GALNT13: variants seen among roughly 807,000 people sequenced by gnomAD.
The protein encoded by GALNT13 is UDP-GalNAc:polypeptide N-acetylgalactosaminyltransferase 13.
A neutral mutation model predicts 64.2 loss-of-function variants in GALNT13; 28 were observed. That is an observed-to-expected ratio of 0.44 (90% CI 0.32 to 0.60). The LOEUF (loss-of-function observed/expected upper bound fraction) is 0.60, where lower values mean the gene tolerates loss of function less well. Among genes scored for constraint, GALNT13 ranks in the 20% least tolerant of loss-of-function variants. GALNT13 has a pLI of 0.05. For synonymous variants in GALNT13, 214 were observed against 224.6 expected (o/e 0.95, Z 0.42); for missense variants, 577 against 669.8 (o/e 0.86, Z 1.53).
At chr2:153,893,048 G>T (rs556040725) in intron 1 of GALNT13, among the ~76,000 whole-genome samples, 16 of 152,078 alleles carry the variant, frequency 1.1e-4, no homozygotes, top group African/African-American at 3.9e-4. Context: ...CAGAGATCTT[G>T]GATTCTTGCA....
chr2:154,167,588 T>C (rs1685104444), intron 4 of GALNT13, among the ~76,000 whole-genome samples: 1 of 152,178 alleles, frequency 6.6e-6, no homozygotes, highest in Non-Finnish European at 1.5e-5. Context: ...CATTCTCCTT[T>C]TTTCCTACCA....
At chr2:153,912,462 T>A (rs1689016860) in intron 2 of GALNT13, among the ~76,000 whole-genome samples, 1 of 152,222 alleles carries the variant, frequency 6.6e-6, no homozygotes, top group Non-Finnish European at 1.5e-5. Flanking sequence ...GGTGGTCATT[T>A]GGAGAAAAGA....
At position 154,404,611 on chromosome 2, in the gene GALNT13, G is replaced by A. The variant is rs573295305; in HGVS notation, c.1297-4373G>A. ...ATTGGATAATAGTAGCTGAAAATGG[G>A]AGAAGTACTTTGCAGGTGAGAAAAA... On this transcript the variant is annotated intron_variant, in intron 10 of 12. Coordinates refer to ENST00000392825, the MANE Select transcript of GALNT13 (RefSeq NM_052917.4). Among the ~76,000 whole-genome samples the A allele has an allele frequency of 4.6e-5, 7 of 152,198 alleles. No homozygotes were observed. In the East Asian group the frequency reaches 1.4e-3, roughly 29 times the overall value.
At chr2:153,767,245 C>T in the GALNT13 span, among the ~76,000 whole-genome samples, 9 of 151,962 alleles carry the variant, frequency 5.9e-5, no homozygotes, top group Admixed American at 5.9e-4. Context: ...AGAATAATGG[C>T]CTCTAGCTCT....
chr2:153,217,034 C>T, the GALNT13 span, among the ~76,000 whole-genome samples: 1 of 151,868 alleles, frequency 6.6e-6, no homozygotes, highest in East Asian at 1.9e-4. Flanking sequence ...TATGAATAGC[C>T]AATTGTTTCA....
At chr2:153,596,608 A>T in the GALNT13 span, among the ~76,000 whole-genome samples, 1 of 152,114 alleles carries the variant, frequency 6.6e-6, no homozygotes, top group South Asian at 2.1e-4. Flanking sequence ...TTAATCTTTA[A>T]CCTCAATTTA....
chr2:154,343,623 G>GT (rs1286682315), intron 9 of GALNT13, among the ~76,000 whole-genome samples: 4 of 152,076 alleles, frequency 2.6e-5, no homozygotes, highest in East Asian at 1.9e-4. Flanking sequence ...TTGTTGCACA[G>GT]TTTTTTTGAC....
At chr2:153,819,864 A>G in the GALNT13 span, among the ~76,000 whole-genome samples, 13 of 152,196 alleles carry the variant, frequency 8.5e-5, no homozygotes, top group Non-Finnish European at 1.6e-4. Flanking sequence ...TGAATGTTGC[A>G]ACACCACCAA....
chr2:154,441,013 A>G (rs1385401003), intron 12 of GALNT13, among the ~76,000 whole-genome samples: 2 of 152,144 alleles, frequency 1.3e-5, no homozygotes, highest in Non-Finnish European at 2.9e-5. Flanking sequence ...CAGGAGTAGT[A>G]GCATCACCTG....
intron 3 of GALNT13, among the ~76,000 whole-genome samples, chr2:154,051,343 TGCAGTGGC>T (rs1558931310): frequency 7.1e-6 from 1 of 141,038 alleles, no homozygotes; most frequent in African/African-American, 2.6e-5. Flanking sequence ...GACTGCGGAC[TGCAGTGGC>T]GCAATCTCGG....
chr2:154,046,041 C>T (rs1699265713), intron 3 of GALNT13, among the ~76,000 whole-genome samples: 1 of 151,718 alleles, frequency 6.6e-6, no homozygotes. Context: ...GATGTCGTGG[C>T]TCATGCCTGT....
chr2:154,352,569 C>T (rs998943171), intron 9 of GALNT13, among the ~76,000 whole-genome samples: 1 of 152,142 alleles, frequency 6.6e-6, no homozygotes, highest in Non-Finnish European at 1.5e-5. Flanking sequence ...GGTGAAATAA[C>T]TTCTCAAAGT....
At chr2:153,624,797 T>A in the GALNT13 span, among the ~76,000 whole-genome samples, 1 of 150,186 alleles carries the variant, frequency 6.7e-6, no homozygotes, top group African/African-American at 2.5e-5. Flanking sequence ...AGAGACTTTT[T>A]TTTTTTTTTT....
chr2:153,149,299 G>A, the GALNT13 span, among the ~76,000 whole-genome samples: 7 of 151,846 alleles, frequency 4.6e-5, no homozygotes, highest in Non-Finnish European at 1.0e-4. Context: ...AGAAATCAGC[G>A]CCTCATCTAT....
chr2:154,125,593 A>C (rs1231071888), intron 3 of GALNT13, among the ~76,000 whole-genome samples: 2 of 152,232 alleles, frequency 1.3e-5, no homozygotes, highest in Non-Finnish European at 2.9e-5. Flanking sequence ...CAAAAACGCA[A>C]AAAAGTGGAG....
intron 4 of GALNT13, among the ~76,000 whole-genome samples, chr2:154,219,487 A>G (rs750215254): frequency 3.9e-5 from 6 of 152,052 alleles, no homozygotes; most frequent in East Asian, 1.9e-4. Context: ...CTTTCTACCC[A>G]TATTATTTTC....
chr2:153,505,648 T>A, the GALNT13 span, among the ~76,000 whole-genome samples: 1 of 152,234 alleles, frequency 6.6e-6, no homozygotes, highest in Middle Eastern at 3.4e-3. Context: ...AATTTCTATA[T>A]ATATATATGC....
the GALNT13 span, among the ~76,000 whole-genome samples, chr2:153,600,628 G>A: frequency 6.6e-6 from 1 of 151,794 alleles, no homozygotes; most frequent in Admixed American, 6.6e-5. Flanking sequence ...TCCTCCCAAC[G>A]CCATATTTTC....
At chr2:153,968,436 G>A (rs149773499) in intron 3 of GALNT13, among the ~76,000 whole-genome samples, 2 of 152,302 alleles carry the variant, frequency 1.3e-5, no homozygotes, top group African/African-American at 4.8e-5. Context: ...TCTCCAGGCT[G>A]TGCCTCTTGG....
Sources: gnomAD v4.1 joint callset for allele counts (sites outside exome capture counted in the v4.1 genomes callset) on GRCh38, gnomAD v4.1.1 for gene constraint, MANE v1.5 for transcripts, NCBI Gene and HGNC (gene_info 2026-07-23, HGNC 2026-07-21) for gene names.